Variants in VAV2 observed in about 807,000 individuals in gnomAD.
VAV2 encodes the protein vav guanine nucleotide exchange factor 2, also known as guanine nucleotide exchange factor VAV2.
Under a neutral mutation model 132.5 loss-of-function variants are expected in VAV2, and 67 were observed. That is an observed-to-expected ratio of 0.51 (90% CI 0.42 to 0.62). The LOEUF (loss-of-function observed/expected upper bound fraction) is 0.62. Among genes scored for constraint, VAV2 ranks in the 20% least tolerant of loss-of-function variants. The probability of loss-of-function intolerance (pLI) is 0.00; values close to 1 mark genes in which losing one functional copy is unlikely to be tolerated. For missense variants in VAV2, 938 were observed against 1,153.6 expected, an observed-to-expected ratio of 0.81 and a Z score of 2.71; for synonymous variants, 492 against 443.5, an observed-to-expected ratio of 1.11 and a Z score of -1.37.
chr9:133,982,035 G>T (rs1479168237), intron 1 of VAV2, among the ~76,000 whole-genome samples: 1 of 152,208 alleles, frequency 6.6e-6, no homozygotes, highest in Admixed American at 6.5e-5. Flanking sequence ...TGTGCGACCC[G>T]GAAGGGGAAA....
Position 133,928,735 on chromosome 9 carries a change from G to A in VAV2, c.321+10368C>T, listed in dbSNP as rs1263707960. Among the ~76,000 whole-genome samples the A allele has an allele frequency of 2.6e-5, 4 of 152,176 alleles. No individual in the cohort carries two copies. The highest frequency in any genetic ancestry group is 1.3e-4 in the Admixed American group (2 of 15,292). ...TCTCCCCTGGCCAGACAGAGCCTGC[G>A]GGACACATTCATCAACGCAGATGTA... On this transcript the variant is annotated intron_variant, in intron 2 of 29. Transcript: ENST00000371850. This position sits in a 1 kb window ranked among gnomAD's most constrained non-coding sequence, Gnocchi z 5.4.
At chr9:133,893,979 G>C (rs934926521) in intron 2 of VAV2, among the ~76,000 whole-genome samples, 1 of 152,166 alleles carries the variant, frequency 6.6e-6, no homozygotes, top group East Asian at 1.9e-4. Context: ...ACTGAGGCTC[G>C]GGGAGAAGGA....
At chr9:133,813,561 G>A (rs866093987) in intron 4 of VAV2, among the ~76,000 whole-genome samples, 3 of 152,244 alleles carry the variant, frequency 2.0e-5, no homozygotes, top group Admixed American at 1.3e-4. Context: ...CAAGCCACAC[G>A]GCGTCCGTCT....
intron 2 of VAV2, among the ~76,000 whole-genome samples, chr9:133,933,481 GTGGATGGATGGA>G (rs111702861): frequency 2.7e-5 from 4 of 147,600 alleles, no homozygotes; most frequent in Non-Finnish European, 6.1e-5. Flanking sequence ...GAATGGATGA[GTGGATGGATGGA>G]TGGATGGATG....
rs755500075 is a variant in VAV2, at chr9:133,947,619, A to T, written c.205-8400T>A. On this transcript the variant is annotated intron_variant, in intron 1 of 29. Transcript: ENST00000371850. Reference sequence around the variant, plus strand: ...GAGGCTGAGGCAGAAGAATCGATTGAACTCGGGAGGTGGAGGTTGCAGTGA... The same window carrying T: ...GAGGCTGAGGCAGAAGAATCGATTGTACTCGGGAGGTGGAGGTTGCAGTGA... 9.7e-4 allele frequency among the ~76,000 whole-genome samples: 147 copies of T among 151,404 alleles called. 1 individual carries two copies. Among genetic ancestry groups the T allele is most frequent in the Non-Finnish European group, 2.9e-4 (20 of 67,826 alleles).
chr9:133,915,382 CT>C (rs1240411438), intron 2 of VAV2, among the ~76,000 whole-genome samples: 164 of 152,334 alleles, frequency 1.1e-3, no homozygotes, highest in African/African-American at 3.8e-3. Flanking sequence ...ATCTGGCGTT[CT>C]ACAGACTCCA....
chr9:133,788,874 G>A lies in VAV2; in HGVS notation c.1274+384C>T, dbSNP rs1564347670. On this transcript the variant is annotated intron_variant, in intron 14 of 29. Transcript: ENST00000371850. This position sits in a 1 kb window ranked among gnomAD's most constrained non-coding sequence, Gnocchi z 5.3. The stretch of plus-strand genomic sequence containing the variant: ...ACCCCTGCCCCAGCACACAGTAGGT[G>A]CACAAGGAGGGCCCTGGACAAGCCT... Among the ~76,000 whole-genome samples, 1 of 152,196 alleles carries A rather than the reference G, an allele frequency of 6.6e-6. No homozygotes were observed.
At chr9:133,841,737 G>A (rs1564397506) in intron 3 of VAV2, among the ~76,000 whole-genome samples, 1 of 152,214 alleles carries the variant, frequency 6.6e-6, no homozygotes, top group Non-Finnish European at 1.5e-5. Context: ...TCAAGCCCTG[G>A]CTCTGCCTGT....
intron 2 of VAV2, among the ~76,000 whole-genome samples, chr9:133,931,734 T>C (rs1439864379): frequency 2.0e-5 from 3 of 152,140 alleles, no homozygotes; most frequent in Non-Finnish European, 4.4e-5. Flanking sequence ...GCGGGACCAC[T>C]GTCCTCACGT....
chr9:133,785,651 G>A (rs1478208273), intron 17 of VAV2, 125 bp downstream of exon 17: 2 of 778,690 alleles, frequency 2.6e-6, no homozygotes, highest in East Asian at 2.7e-5. Flanking sequence ...CTGTGTCCCT[G>A]ACGTTCCAAC....
At position 133,826,105 on chromosome 9, in the gene VAV2, C is replaced by G. The variant is rs1835977837; in HGVS notation, c.449+8167G>C. On this transcript the variant is annotated intron_variant, in intron 4 of 29. Coordinates refer to ENST00000371850, the MANE Select transcript of VAV2 (RefSeq NM_001134398.2). The surrounding 1 kb of genome is among the most constrained non-coding windows in gnomAD (Gnocchi z 4.2). ...AAACCAGTGTTATGCAAAGCAGGCT[C>G]CTAAATCATAAAATTGTGGATTCCT... 6.6e-6 allele frequency among the ~76,000 whole-genome samples: 1 copy of G among 152,212 alleles called. No homozygotes were observed. The highest frequency in any genetic ancestry group is 2.4e-5 in the African/African-American group (1 of 41,442).
rs184178568 is a variant in VAV2 at position 133,943,121 on chromosome 9, C to A, written c.205-3902G>T. Among the ~76,000 whole-genome samples the A allele has an allele frequency of 2.0e-3, 311 of 152,366 alleles. 1 individual carries two copies. The highest frequency in any genetic ancestry group is 3.4e-3 in the Non-Finnish European group (233 of 68,030). ...ATGTCGACATCGGCCAGGGCAAAGGCCCTCTGAGAGGACGGGCGTGTGGGC... is the reference window on the plus strand; with the variant it reads ...ATGTCGACATCGGCCAGGGCAAAGGACCTCTGAGAGGACGGGCGTGTGGGC... On this transcript the variant is annotated intron_variant, in intron 1 of 29. Transcript: ENST00000371850.
In VAV2 at chr9:133,833,572, C is replaced by T. The variant is rs1035306637; in HGVS notation, c.449+700G>A. The stretch of plus-strand genomic sequence containing the variant: ...AGGCCCCAGCAAGGATGCTCGGTCT[C>T]AGCCCAGGTCCCTCACCTGCAGGTG... On this transcript the variant is annotated intron_variant, in intron 4 of 29. Coordinates refer to ENST00000371850, the MANE Select transcript of VAV2 (RefSeq NM_001134398.2). The surrounding 1 kb of genome is among the most constrained non-coding windows in gnomAD (Gnocchi z 5.6). Among the ~76,000 whole-genome samples, 1 of 152,160 alleles carries T rather than the reference C, an allele frequency of 6.6e-6. No individual in the cohort carries two copies. The highest frequency in any genetic ancestry group is 1.5e-5 in the Non-Finnish European group (1 of 68,010).
chr9:133,780,448 C>A (rs1053370401), intron 20 of VAV2, among the ~76,000 whole-genome samples: 1 of 152,128 alleles, frequency 6.6e-6, no homozygotes, highest in African/African-American at 2.4e-5. Flanking sequence ...CCCATAGCCG[C>A]GAGCAGCCAC....
Position 133,776,061 on chromosome 9 carries a change from G to A in VAV2, c.1985C>T (p.Pro662Leu), listed in dbSNP as rs955136607. ...VDGRPPISRPPSREIDYTAYP... is the reference protein window; with the variant it reads ...VDGRPPISRPLSREIDYTAYP... Reference sequence around the variant, plus strand: ...TGCAGTGTAGTCGATCTCCCGGGATGGCGGCCGGCTGATGGGCGGCTGGTG... The same window carrying A: ...TGCAGTGTAGTCGATCTCCCGGGATAGCGGCCGGCTGATGGGCGGCTGGTG... The change falls in exon 24 of 30, where the codon CCA becomes CTA. Residue 662 changes from proline to leucine, a missense_variant. Pro to Leu is a moderately conservative substitution (Grantham distance 98). Transcript: ENST00000371850. 6.2e-7 allele frequency: 1 copy of A among 1,613,178 alleles called. No homozygotes were observed. Among genetic ancestry groups the A allele is most frequent in the African/African-American group, 1.3e-5 (1 of 74,946 alleles).
At chr9:133,870,489 C>T (rs532789845) in intron 2 of VAV2, among the ~76,000 whole-genome samples, 90 of 152,322 alleles carry the variant, frequency 5.9e-4, no homozygotes, top group African/African-American at 1.9e-3. Context: ...AATTGGCCCA[C>T]TCTTCCTGGA....
At chr9:133,787,204 A>G in intron 16 of VAV2, 42 bp downstream of exon 16, 1 of 1,546,512 alleles carries the variant, frequency 6.5e-7, no homozygotes, top group Non-Finnish European at 8.8e-7. Context: ...CCAGGCTGGG[A>G]TGATTGAGGC....
chr9:133,929,200 C>T (rs1293056519), intron 2 of VAV2, among the ~76,000 whole-genome samples: 1 of 152,146 alleles, frequency 6.6e-6, no homozygotes, highest in Non-Finnish European at 1.5e-5. Flanking sequence ...ATGGTGTCTT[C>T]GTGGGTCCAC....
At chr9:133,980,622 G>A (rs1436425493) in intron 1 of VAV2, among the ~76,000 whole-genome samples, 1 of 152,156 alleles carries the variant, frequency 6.6e-6, no homozygotes, top group Non-Finnish European at 1.5e-5. Context: ...CTCATCATCT[G>A]CTGCAGGGAA....
Sources: gnomAD v4.1 joint callset for allele counts (sites outside exome capture counted in the v4.1 genomes callset) on GRCh38, gnomAD v4.1.1 for gene constraint, Gnocchi (gnomAD v3.1) non-coding constraint, MANE v1.5 for transcripts, NCBI Gene and HGNC (gene_info 2026-07-23, HGNC 2026-07-21) for gene names.